The following NAV1 variants were observed in gnomAD, a reference collection of about 807,000 sequenced individuals.
NAV1 encodes neuron navigator 1.
In NAV1, 18 loss-of-function variants were observed where a neutral mutation model predicts 175.2. The observed-to-expected ratio is 0.10, with a 90% CI of 0.07 to 0.15. NAV1 has a LOEUF of 0.15. Among genes scored for constraint, NAV1 ranks in the 10% least tolerant of loss-of-function variants. The pLI, the probability that NAV1 is intolerant of heterozygous loss-of-function variation, is 1.00. For missense variants in NAV1, 1,731 were observed against 2,436.6 expected (o/e 0.71, Z 6.10); for synonymous variants, 897 against 978.7 (o/e 0.92, Z 1.56).
chr1:201,817,234 G>A (rs886219797), exon 29 of NAV1: 1 of 1,613,968 alleles, frequency 6.2e-7, no homozygotes, highest in African/African-American at 1.3e-5. Flanking sequence ...CACCTCCCGA[G>A]GATAGGACAG....
At chr1:201,655,311 G>A (rs1281376655) in intron 1 of NAV1, among the ~76,000 whole-genome samples, 3 of 152,242 alleles carry the variant, frequency 2.0e-5, no homozygotes, top group Non-Finnish European at 2.9e-5. Context: ...GAAAGCCTGA[G>A]CCAGCCAACA....
chr1:201,581,034 G>A (rs79405225), intron 1 of NAV1, among the ~76,000 whole-genome samples: 2 of 152,318 alleles, frequency 1.3e-5, no homozygotes, highest in East Asian at 3.9e-4. Flanking sequence ...CGTGGGGGCC[G>A]GTGCATGGCA....
intron 17 of NAV1, 79 bp downstream of exon 21, chr1:201,804,576 C>T: frequency 9.7e-7 from 1 of 1,033,898 alleles, no homozygotes. Context: ...AACTCCCTTC[C>T]CCTAAAAAAA....
chr1:201,611,922 A>C (rs776535694), intron 2 of NAV1, among the ~76,000 whole-genome samples: 12 of 152,080 alleles, frequency 7.9e-5, no homozygotes, highest in Non-Finnish European at 1.6e-4. Flanking sequence ...AAGAATAAGC[A>C]TGAGTGTGAG....
At chr1:201,811,787 A>G in intron 25 of NAV1, 30 bp downstream of exon 29, 1 of 1,603,904 alleles carries the variant, frequency 6.2e-7, no homozygotes, top group South Asian at 1.1e-5. Context: ...GACAAAATTC[A>G]TCGAAGTGGG....
chr1:201,708,303 G>T (rs2050555), intron 1 of NAV1, among the ~76,000 whole-genome samples: 41,393 of 151,974 alleles, frequency 0.27, 6,398 homozygotes, highest in Middle Eastern at 0.36. Context: ...TCTCTCCCCA[G>T]TTGCTCCATT....
At chr1:201,610,835 C>T (rs2102252867) in intron 2 of NAV1, among the ~76,000 whole-genome samples, 1 of 152,278 alleles carries the variant, frequency 6.6e-6, no homozygotes, top group African/African-American at 2.4e-5. Context: ...CTGAAAGTAA[C>T]ACAGCCAGCC....
chr1:201,756,874 T>TTCTG (rs1223513553), intron 3 of NAV1, among the ~76,000 whole-genome samples: 1 of 114,094 alleles, frequency 8.8e-6, no homozygotes, highest in Non-Finnish European at 1.7e-5. Flanking sequence ...CTTTCTTTCT[T>TTCTG]TCTTTCTTTC....
chr1:201,642,513 CTTTCTTTCTTTT>C (rs1332780079), intron 2 of NAV1, among the ~76,000 whole-genome samples: 2 of 107,294 alleles, frequency 1.9e-5, no homozygotes, highest in Admixed American at 8.6e-5. Flanking sequence ...CACCCGGCCT[CTTTCTTTCTTTT>C]TTTCTTTCTT....
At chr1:201,658,361 G>A (rs1669484864) in intron 1 of NAV1, among the ~76,000 whole-genome samples, 1 of 152,156 alleles carries the variant, frequency 6.6e-6, no homozygotes, top group Non-Finnish European at 1.5e-5. Flanking sequence ...GCTGGAATTG[G>A]CATCAGTGCA....
intron 1 of NAV1, among the ~76,000 whole-genome samples, chr1:201,578,823 T>G (rs1164755688): frequency 6.6e-6 from 1 of 152,120 alleles, no homozygotes; most frequent in Non-Finnish European, 1.5e-5. Flanking sequence ...ACTTTATCAT[T>G]GAACAACTAT....
At chr1:201,816,753 G>A (rs927837966) in intron 28 of NAV1, 7 of 165,520 alleles carry the variant, frequency 4.2e-5, no homozygotes, top group South Asian at 2.2e-4. Context: ...TGCAACCTCC[G>A]CAGGTTCAAG....
At chr1:201,629,668 C>T in intron 2 of NAV1, 161 bp downstream of exon 4, 1 of 403,790 alleles carries the variant, frequency 2.5e-6, no homozygotes. Context: ...CTTGACTCAA[C>T]CCAGGGTTGG....
chr1:201,552,978 G>A (rs968305695), intron 1 of NAV1, among the ~76,000 whole-genome samples: 1 of 152,168 alleles, frequency 6.6e-6, no homozygotes, highest in Non-Finnish European at 1.5e-5. Flanking sequence ...GCTCCAGACT[G>A]CAGGCCTCCA....
intron 1 of NAV1, among the ~76,000 whole-genome samples, chr1:201,654,030 C>T (rs1399051509): frequency 6.6e-6 from 1 of 152,246 alleles, no homozygotes; most frequent in African/African-American, 2.4e-5. Flanking sequence ...GTTCTGACTG[C>T]TGCAGTCAAA....
At chr1:201,728,533 G>A (rs895595502) in intron 3 of NAV1, among the ~76,000 whole-genome samples, 1 of 150,442 alleles carries the variant, frequency 6.6e-6, no homozygotes, top group African/African-American at 2.5e-5. Flanking sequence ...TGTGGAGCTT[G>A]CAGTGAGCTG....
Position 201,606,393 on chromosome 1 carries a change from A to T in NAV1, c.-32-16460A>T, listed in dbSNP as rs187242337. Among the ~76,000 whole-genome samples the T allele has an allele frequency of 7.9e-4, 120 of 152,122 alleles. 1 individual carries two copies. Among genetic ancestry groups the T allele is most frequent in the South Asian group, 1.9e-3 (9 of 4,812 alleles). On this transcript the variant is annotated intron_variant, in intron 2 of 33. Transcript: ENST00000685211. ...GCACTTATAGCCACTCAACCTACCC[A>T]CCCAACCATGCTATTTTGCTGGCAC...
rs568701193 is a variant in NAV1, at chr1:201,675,796, G to A, written c.757+26371G>A. Among the ~76,000 whole-genome samples, 21 of 152,296 alleles carry A rather than the reference G, an allele frequency of 1.4e-4. No individual in the cohort carries two copies. The South Asian group carries it at 3.7e-3, about 27-fold the overall frequency. On this transcript the variant is annotated intron_variant, in intron 1 of 29. Transcript: ENST00000367296. ...CTAAACCCTGGCCTCCTGAGGCAAC[G>A]AAGTTTGCCTATCTGGAACCATTTT...
intron 1 of NAV1, among the ~76,000 whole-genome samples, chr1:201,650,360 T>A (rs1384329439): frequency 6.6e-6 from 1 of 152,226 alleles, no homozygotes; most frequent in Non-Finnish European, 1.5e-5. Context: ...CAGGCGGCCA[T>A]GCCTCGGGAA....
Sources: allele counts gnomAD v4.1 joint callset (sites outside exome capture counted in the v4.1 genomes callset), GRCh38; gene constraint gnomAD v4.1.1; transcripts MANE v1.5; gene names NCBI Gene and HGNC (gene_info 2026-07-23, HGNC 2026-07-21).